RPS6KC1: variants seen among roughly 807,000 people sequenced by gnomAD.
RPS6KC1 encodes inactive ribosomal protein S6 kinase delta-1.
RPS6KC1 carries 54 observed loss-of-function variants against 103.8 expected under a neutral mutation model. The ratio of observed to expected loss-of-function variants is 0.52; its 90% CI spans 0.42 to 0.65. The LOEUF (loss-of-function observed/expected upper bound fraction) is 0.65. RPS6KC1 is among the 30% of genes least tolerant of loss of function. The pLI, the probability that RPS6KC1 is intolerant of heterozygous loss-of-function variation, is 0.00. For synonymous variants in RPS6KC1, 439 were observed against 438.7 expected, an observed-to-expected ratio of 1.00 and a Z score of -0.01; for missense variants, 1,151 against 1,253.8, an observed-to-expected ratio of 0.92 and a Z score of 1.24.
the RPS6KC1 span, among the ~76,000 whole-genome samples, chr1:213,743,313 G>T: frequency 6.6e-6 from 1 of 152,062 alleles, no homozygotes; most frequent in Non-Finnish European, 1.5e-5. Flanking sequence ...ATGTGTTCTC[G>T]CTTACAAAGG....
the RPS6KC1 span, among the ~76,000 whole-genome samples, chr1:213,741,936 G>T: frequency 1.3e-5 from 2 of 152,164 alleles, no homozygotes; most frequent in African/African-American, 2.4e-5. Context: ...AGAGTCTAAA[G>T]TTGATAACAC....
the RPS6KC1 span, among the ~76,000 whole-genome samples, chr1:213,825,802 T>C: frequency 3.2e-4 from 49 of 152,352 alleles, no homozygotes; most frequent in African/African-American, 1.1e-3. Context: ...TAAAGGCCTA[T>C]AGTGGGATAT....
chr1:213,391,057 C>T, the RPS6KC1 span, among the ~76,000 whole-genome samples: 1 of 152,090 alleles, frequency 6.6e-6, no homozygotes, highest in Non-Finnish European at 1.5e-5. Context: ...CTTATACTCA[C>T]CTCCTGAATT....
At chr1:213,709,149 C>A in the RPS6KC1 span, among the ~76,000 whole-genome samples, 1 of 152,074 alleles carries the variant, frequency 6.6e-6, no homozygotes, top group African/African-American at 2.4e-5. Flanking sequence ...TTGTACCTCT[C>A]GTAGAATTTG....
chr1:213,617,260 T>A, the RPS6KC1 span, among the ~76,000 whole-genome samples: 1 of 152,074 alleles, frequency 6.6e-6, no homozygotes, highest in Middle Eastern at 3.2e-3. Context: ...TGTCACCACA[T>A]CTAATGACAA....
At chr1:213,513,620 G>T in the RPS6KC1 span, among the ~76,000 whole-genome samples, 2 of 152,284 alleles carry the variant, frequency 1.3e-5, no homozygotes, top group African/African-American at 4.8e-5. Context: ...CAGGAGAGAA[G>T]AAACAAATAC....
chr1:213,297,166 A>G, the RPS6KC1 span, among the ~76,000 whole-genome samples: 1 of 152,220 alleles, frequency 6.6e-6, no homozygotes. Context: ...TTAAGCTTCC[A>G]GAATGCCACA....
At chr1:213,688,284 G>T in the RPS6KC1 span, among the ~76,000 whole-genome samples, 1 of 152,066 alleles carries the variant, frequency 6.6e-6, no homozygotes, top group Non-Finnish European at 1.5e-5. Flanking sequence ...TAGTTGTCTT[G>T]GCTTTATCCT....
chr1:213,405,443 GA>G, the RPS6KC1 span, among the ~76,000 whole-genome samples: 8 of 151,768 alleles, frequency 5.3e-5, no homozygotes, highest in East Asian at 1.9e-4. Context: ...TTATTTGCAT[GA>G]AAAAAAAATT....
At chr1:213,572,395 A>G in the RPS6KC1 span, among the ~76,000 whole-genome samples, 1 of 152,248 alleles carries the variant, frequency 6.6e-6, no homozygotes, top group African/African-American at 2.4e-5. Flanking sequence ...TCTCAGAGGA[A>G]ATAACCTGGT....
At chr1:213,628,310 C>G in the RPS6KC1 span, among the ~76,000 whole-genome samples, 4 of 152,172 alleles carry the variant, frequency 2.6e-5, no homozygotes. Context: ...ATTCTTCTCT[C>G]TTTTATTCTT....
chr1:213,621,621 C>A, the RPS6KC1 span, among the ~76,000 whole-genome samples: 81 of 152,306 alleles, frequency 5.3e-4, no homozygotes, highest in African/African-American at 1.9e-3. Flanking sequence ...TGAGTTTAGA[C>A]TGACCTCTGT....
At position 213,104,564 on chromosome 1, in the gene RPS6KC1, T is replaced by C. The variant is rs1572548412; in HGVS notation, c.373T>C (p.Phe125Leu). The change falls in exon 4 of 15, where the codon TTC (phenylalanine) becomes CTC (leucine). Residue 125 changes from phenylalanine to leucine, a missense_variant. This residue lies in a region of RPS6KC1 where 959 missense variants were observed against 1,006.3 expected (regional missense o/e 0.95). Coordinates refer to ENST00000366960, the MANE Select transcript of RPS6KC1 (RefSeq NM_012424.6). The stretch of plus-strand genomic sequence containing the variant: ...CAATAGTAAACAGCTTGAAGACTTT[T>C]TCAAGGTTTGGTAGTCTTTCTGGAA... ...LYNSKQLEDF[F>L]KGGIINDSSE... 3 of 1,560,252 alleles carry C rather than the reference T, an allele frequency of 1.9e-6. No individual in the cohort carries two copies. Among genetic ancestry groups the C allele is most frequent in the Non-Finnish European group, 2.6e-6 (3 of 1,136,860 alleles).
At chr1:213,337,803 G>A in the RPS6KC1 span, among the ~76,000 whole-genome samples, 1 of 152,134 alleles carries the variant, frequency 6.6e-6, no homozygotes, top group South Asian at 2.1e-4. Context: ...ACACAAAATG[G>A]GCCAAGTCAT....
At chr1:213,824,632 C>G in the RPS6KC1 span, among the ~76,000 whole-genome samples, 4 of 152,114 alleles carry the variant, frequency 2.6e-5, no homozygotes, top group African/African-American at 9.7e-5. Flanking sequence ...CCATGCTGTT[C>G]TCGTGATAGT....
intron 5 of RPS6KC1, among the ~76,000 whole-genome samples, chr1:213,124,495 C>T (rs1227055448): frequency 1.3e-5 from 2 of 151,918 alleles, no homozygotes; most frequent in African/African-American, 2.4e-5. Context: ...AGCTAGTTTG[C>T]GTTTCGTATG....
chr1:213,672,507 A>T, the RPS6KC1 span, among the ~76,000 whole-genome samples: 3 of 152,162 alleles, frequency 2.0e-5, no homozygotes, highest in Non-Finnish European at 2.9e-5. Context: ...TCTACTTCAG[A>T]TGTTAGATTA....
the RPS6KC1 span, among the ~76,000 whole-genome samples, chr1:213,449,485 G>C: frequency 6.6e-6 from 1 of 152,092 alleles, no homozygotes; most frequent in African/African-American, 2.4e-5. Context: ...CTCTCTGTGT[G>C]CTCCTAGTGT....
At chr1:213,855,700 C>T in the RPS6KC1 span, among the ~76,000 whole-genome samples, 881 of 152,326 alleles carry the variant, frequency 5.8e-3, 9 homozygotes, top group African/African-American at 0.02. Context: ...GCTGGCTACC[C>T]GGTCCACTGC....
Sources: gnomAD v4.1 joint callset for allele counts (sites outside exome capture counted in the v4.1 genomes callset) on GRCh38, gnomAD v4.1.1 for gene constraint, gnomAD v4.1.1 regional missense constraint, MANE v1.5 for transcripts, NCBI Gene and HGNC (gene_info 2026-07-23, HGNC 2026-07-21) for gene names.